Variants in DOT1L observed in about 807,000 individuals in gnomAD.
The protein encoded by DOT1L is histone-lysine N-methyltransferase, H3 lysine-79 specific.
DOT1L carries 33 observed loss-of-function variants against 153.3 expected under a neutral mutation model. The ratio of observed to expected loss-of-function variants is 0.22; its 90% CI spans 0.16 to 0.29. DOT1L has a LOEUF of 0.29. DOT1L is among the 10% of genes least tolerant of loss of function. The pLI is 1.00. For synonymous variants in DOT1L, 1,135 were observed against 965.1 expected, an observed-to-expected ratio of 1.18 and a Z score of -3.26; for missense variants, 1,847 against 2,119.9, an observed-to-expected ratio of 0.87 and a Z score of 2.53.
Position 2,227,040 on chromosome 19 carries a change from C to T in DOT1L, c.4519C>T (p.Leu1507=), listed in dbSNP as rs749979942. Residue 1507 remains leucine (L), a synonymous_variant, in exon 27 of 28, where the codon CTG becomes TTG. Transcript: ENST00000398665. ...CAGCTCTGTGCCGGCCGCCGCAGGC[C>T]TGGTGCACGTGTCGTCCGCTGCCAC... The part of the protein sequence containing the change: ...LFSSVPAAAG[L]VHVSSAATRL... 8.2e-6 allele frequency: 13 copies of T among 1,581,646 alleles called. No individual in the cohort carries two copies. The highest frequency in any genetic ancestry group is 8.5e-6 in the Non-Finnish European group (10 of 1,170,184).
intron 26 of DOT1L, 37 bp from the exon 27 acceptor site, chr19:2,226,146 C>G (rs1482546260): frequency 1.3e-6 from 2 of 1,497,620 alleles, no homozygotes; most frequent in African/African-American, 2.8e-5. Flanking sequence ...CGGGCAGGTG[C>G]TCTGGGCTCA....
In DOT1L at chr19:2,216,976, C is replaced by T. The variant is rs368364617; in HGVS notation, c.2430C>T (p.Asn810=). The T allele has an allele frequency of 2.1e-5, 34 of 1,612,786 alleles. No individual in the cohort carries two copies. The highest frequency in any genetic ancestry group is 2.7e-5 in the African/African-American group (2 of 75,014). Residue 810 remains asparagine, a synonymous_variant, in exon 21 of 28, where the codon AAC becomes AAT. Coordinates refer to ENST00000398665, the MANE Select transcript of DOT1L (RefSeq NM_032482.3). ...LHSRAEHTKE[N]GLPYQSPSVP... is the part of the protein sequence containing the mutation. The stretch of plus-strand genomic sequence containing the variant: ...CCAGAGCTGAGCACACCAAGGAGAA[C>T]GGCCTTCCCTACCAGAGCCCCAGCG...
chr19:2,178,926 T>G (rs1568331494), intron 1 of DOT1L, among the ~76,000 whole-genome samples: 1 of 152,160 alleles, frequency 6.6e-6, no homozygotes, highest in Admixed American at 6.6e-5. Flanking sequence ...CTATGTGGCT[T>G]TATTTCATCA....
chr19:2,185,809 A>C (rs753086198), intron 2 of DOT1L, 46 bp from the exon 3 acceptor site: 2 of 1,592,946 alleles, frequency 1.3e-6, no homozygotes, highest in East Asian at 2.2e-5. Flanking sequence ...AAAACAAAAC[A>C]AAAAAAACCA....
At chr19:2,188,989 G>T (rs150997409) in intron 3 of DOT1L, among the ~76,000 whole-genome samples, 6 of 152,210 alleles carry the variant, frequency 3.9e-5, no homozygotes, top group African/African-American at 9.7e-5. Context: ...CCCCGATGCT[G>T]TTGGGTTGTG....
rs755828452 is a variant in DOT1L at position 2,211,124 on chromosome 19, G to T, written c.1377G>T (p.Pro459=). Residue 459 remains proline (P), a synonymous_variant, in exon 15 of 28, where the codon CCG becomes CCT. Transcript: ENST00000398665. ...PQDAYRSPHS[P]FYQLPPSVQR... Reference sequence around the variant, plus strand: ...ATGCCTACAGATCCCCTCACAGCCCGTTCTACCAGCTACCTCCGAGCGTGC... The same window carrying T: ...ATGCCTACAGATCCCCTCACAGCCCTTTCTACCAGCTACCTCCGAGCGTGC... 6.2e-7 allele frequency: 1 copy of T among 1,613,084 alleles called. No homozygotes were observed. The highest frequency in any genetic ancestry group is 8.5e-7 in the Non-Finnish European group (1 of 1,179,778).
chr19:2,231,354 GAC>G lies in DOT1L; in HGVS notation c.*1567_*1568del. ...TGTTCTGGTTCCCAAGGGCAGGATG[GAC>G]ACACGTCACATCCCTACCACGTGGC... On this transcript the variant is annotated 3_prime_UTR_variant, in exon 28 of 28. Coordinates refer to ENST00000398665, the MANE Select transcript of DOT1L (RefSeq NM_032482.3). The G allele has an allele frequency of 9.5e-6, 2 of 210,160 alleles. No homozygotes were observed. The highest frequency in any genetic ancestry group is 1.9e-5 in the Non-Finnish European group (2 of 103,324). 13.0% of individuals were successfully genotyped at this position (210,160 alleles called of 1,614,324 possible).
Position 2,193,213 on chromosome 19 carries a change from C to T in DOT1L, c.494-476C>T, listed in dbSNP as rs184333895. Among the ~76,000 whole-genome samples the T allele has an allele frequency of 7.2e-4, 109 of 152,344 alleles. 3 individuals carry two copies. The East Asian group carries it at 0.019, about 27-fold the overall frequency. ...TGTCCTGGCTGCGGGGGACCCCTCA[C>T]TGCCTCTCCCACCCTACATTGAGCC... is the stretch of plus-strand genomic sequence containing the variant. On this transcript the variant is annotated intron_variant, in intron 5 of 27. Coordinates refer to ENST00000398665, the MANE Select transcript of DOT1L (RefSeq NM_032482.3). This position sits in a 1 kb window ranked among gnomAD's most constrained non-coding sequence, Gnocchi z 5.9.
chr19:2,196,753 T>C (rs2023038281), intron 7 of DOT1L, among the ~76,000 whole-genome samples: 1 of 152,164 alleles, frequency 6.6e-6, no homozygotes, highest in South Asian at 2.1e-4. Context: ...GGCGCTGGCA[T>C]TTCCCATGCC....
Position 2,207,790 on chromosome 19 carries a change from C to A in DOT1L, c.963+110C>A. 4.1e-6 allele frequency: 4 copies of A among 981,862 alleles called. No individual in the cohort carries two copies. The highest frequency in any genetic ancestry group is 1.6e-5 in the South Asian group (1 of 61,450). The allele number at this position is 981,862 out of a possible 1,614,324, so 60.8% of individuals were successfully genotyped here. ...GGCCTCTGAGACCCTCCCCTCAGAG[C>A]CCTCAACGCCCCCCGGCCCCTGAGC... On this transcript the variant is annotated intron_variant, in intron 11 of 27. Coordinates refer to ENST00000398665, the MANE Select transcript of DOT1L (RefSeq NM_032482.3). The surrounding 1 kb of genome is among the most constrained non-coding windows in gnomAD (Gnocchi z 4.5).
rs2023547934 is a variant in DOT1L at position 2,207,501 on chromosome 19, C to G, written c.857-73C>G. The stretch of plus-strand genomic sequence containing the variant: ...TCAGGCTTCTGTCCCCACGCCTGCC[C>G]TGGGGTGGGTGAGGTCTGCATGGAG... On this transcript the variant is annotated intron_variant, in intron 10 of 27. Coordinates refer to ENST00000398665, the MANE Select transcript of DOT1L (RefSeq NM_032482.3). The surrounding 1 kb of genome is among the most constrained non-coding windows in gnomAD (Gnocchi z 4.5). 7.5e-7 allele frequency: 1 copy of G among 1,328,172 alleles called. No homozygotes were observed. Among genetic ancestry groups the G allele is most frequent in the African/African-American group, 1.5e-5 (1 of 68,764 alleles). The allele number at this position is 1,328,172 out of a possible 1,614,324, so 82.3% of individuals were successfully genotyped here. A position where few individuals can be genotyped will look rare whatever the true frequency, so the allele number is the denominator to read the frequency against.
chr19:2,168,273 G>A (rs886780653), intron 1 of DOT1L, among the ~76,000 whole-genome samples: 1 of 152,192 alleles, frequency 6.6e-6, no homozygotes, highest in African/African-American at 2.4e-5. Flanking sequence ...TTTGAGACAA[G>A]CCAGGGCAAC....
chr19:2,230,879 T>C lies in DOT1L; in HGVS notation c.*1087T>C, dbSNP rs2024569773. 1 of 323,442 alleles carries C rather than the reference T, an allele frequency of 3.1e-6. No individual in the cohort carries two copies. The highest frequency in any genetic ancestry group is 5.6e-6 in the Non-Finnish European group (1 of 178,658). 20.0% of individuals were successfully genotyped at this position (323,442 alleles called of 1,614,324 possible). A position where few individuals can be genotyped will look rare whatever the true frequency, so the allele number is the denominator to read the frequency against. Reference sequence around the variant, plus strand: ...CCCCTGCCTGCCCCACATCCCTTCCTGTCAGGGCCACGCCTGGCACCCATC... The same window carrying C: ...CCCCTGCCTGCCCCACATCCCTTCCCGTCAGGGCCACGCCTGGCACCCATC... On this transcript the variant is annotated 3_prime_UTR_variant, in exon 28 of 28. Coordinates refer to ENST00000398665, the MANE Select transcript of DOT1L (RefSeq NM_032482.3).
In DOT1L at chr19:2,216,210, T is replaced by C. The variant is rs368431215; in HGVS notation, c.1924-71T>C. 75 of 1,501,754 alleles carry C rather than the reference T, an allele frequency of 5.0e-5. No individual in the cohort carries two copies. In the East Asian group the frequency reaches 1.0e-3, roughly 21 times the overall value. 93.0% of individuals were successfully genotyped at this position (1,501,754 alleles called of 1,614,324 possible). ...TCCTGGCCACCCCTCCGGGTGTCCA[T>C]CTGTGGCAGTCTTGGTTCCCTGGAG... On this transcript the variant is annotated intron_variant, in intron 19 of 27. Coordinates refer to ENST00000398665, the MANE Select transcript of DOT1L (RefSeq NM_032482.3).
In DOT1L at chr19:2,176,538, CAG is replaced by C. The variant is rs374045752; in HGVS notation, c.82-4172_82-4171del. Among the ~76,000 whole-genome samples the C allele has an allele frequency of 1.3e-3, 194 of 152,360 alleles. No homozygotes were observed. The Middle Eastern group carries it at 0.017, about 13-fold the overall frequency. Reference sequence around the variant, plus strand: ...AAGGGCAGGTGACACCGCTGTCAATCAGAGCATTTCCAGCCCTCACACCTGTG... The same window carrying C: ...AAGGGCAGGTGACACCGCTGTCAATCAGCATTTCCAGCCCTCACACCTGTG... On this transcript the variant is annotated intron_variant, in intron 1 of 27. Coordinates refer to ENST00000398665, the MANE Select transcript of DOT1L (RefSeq NM_032482.3).
At chr19:2,199,497 G>A (rs1477500133) in intron 7 of DOT1L, among the ~76,000 whole-genome samples, 2 of 152,230 alleles carry the variant, frequency 1.3e-5, no homozygotes, top group African/African-American at 4.8e-5. Context: ...CCCTGCCTCG[G>A]GGCGCCCCTG....
intron 3 of DOT1L, among the ~76,000 whole-genome samples, chr19:2,187,619 C>T (rs977257383): frequency 3.9e-5 from 6 of 152,172 alleles, no homozygotes; most frequent in African/African-American, 7.2e-5. Context: ...TTGAAGGCGG[C>T]GTGTAGAAGT....
At chr19:2,215,971 ACTTAGTG>A in intron 19 of DOT1L, 1 of 312,886 alleles carries the variant, frequency 3.2e-6, no homozygotes, top group Non-Finnish European at 5.9e-6. Context: ...CAGGTTTTAC[ACTTAGTG>A]AAACTGGATG....
intron 1 of DOT1L, among the ~76,000 whole-genome samples, chr19:2,177,795 T>C (rs981225843): frequency 1.3e-5 from 2 of 151,920 alleles, no homozygotes; most frequent in African/African-American, 2.4e-5. Context: ...GGAATCTCAC[T>C]CTGCTGCCCA....
Sources: gnomAD v4.1 joint callset for allele counts (sites outside exome capture counted in the v4.1 genomes callset) on GRCh38, gnomAD v4.1.1 for gene constraint, Gnocchi (gnomAD v3.1) non-coding constraint, MANE v1.5 for transcripts, NCBI Gene and HGNC (gene_info 2026-07-23, HGNC 2026-07-21) for gene names.